The following POM121C variants were observed in gnomAD, a reference collection of about 807,000 sequenced individuals.
POM121C encodes the protein nuclear envelope pore membrane protein POM 121C.
A neutral mutation model predicts 66.4 loss-of-function variants in POM121C; 20 were observed. The observed-to-expected ratio is 0.30, with a 90% confidence interval of 0.21 to 0.44. The LOEUF (loss-of-function observed/expected upper bound fraction) is 0.44, where lower values mean the gene tolerates loss of function less well. POM121C is among the 20% of genes least tolerant of loss of function. The pLI, the probability that POM121C is intolerant of heterozygous loss-of-function variation, is 1.00. For synonymous variants in POM121C, 286 were observed against 528.0 expected (o/e 0.54, Z 6.28); for missense variants, 580 against 1,225.7 (o/e 0.47, Z 7.87).
chr7:75,421,257 T>C (rs1584642975), intron 13 of POM121C: 4 of 1,141,268 alleles, frequency 3.5e-6, no homozygotes, highest in East Asian at 5.6e-5. Flanking sequence ...ATTACAAGCA[T>C]GAGCCACTGC....
At chr7:75,449,366 C>T (rs1353600141) in intron 3 of POM121C, among the ~76,000 whole-genome samples, 2 of 135,602 alleles carry the variant, frequency 1.5e-5, no homozygotes, top group Non-Finnish European at 1.6e-5. Flanking sequence ...TGTTCTCTCT[C>T]TTTTTTTTTT....
chr7:75,428,397 C>G (rs782194234), intron 7 of POM121C, among the ~76,000 whole-genome samples: 3 of 152,134 alleles, frequency 2.0e-5, no homozygotes, highest in Non-Finnish European at 4.4e-5. Flanking sequence ...CTTGGCCTCC[C>G]AAAGCACTAG....
At chr7:75,433,373 T>C (rs1167613607) in intron 7 of POM121C, among the ~76,000 whole-genome samples, 6 of 152,062 alleles carry the variant, frequency 3.9e-5, no homozygotes, top group Non-Finnish European at 8.8e-5. Flanking sequence ...TATCTATTTT[T>C]GAGATGGAGT....
At chr7:75,484,303 G>C (rs1277270511) in intron 1 of POM121C, 72 of 1,025,664 alleles carry the variant, frequency 7.0e-5, no homozygotes, top group Non-Finnish European at 1.0e-4. Context: ...GCTCCGGCCT[G>C]CAAAGGCAGA....
chr7:75,479,649 A>T (rs1283820100), intron 1 of POM121C, among the ~76,000 whole-genome samples: 1 of 148,674 alleles, frequency 6.7e-6, no homozygotes, highest in African/African-American at 2.5e-5. Context: ...ATAAATAAAT[A>T]AATACAGTTT....
intron 3 of POM121C, chr7:75,442,127 A>G: frequency 7.3e-7 from 1 of 1,367,848 alleles, no homozygotes; most frequent in Non-Finnish European, 9.4e-7. Flanking sequence ...ATGATCTGGG[A>G]AAATCAGCGC....
chr7:75,471,303 G>T (rs1186374913), intron 3 of POM121C, among the ~76,000 whole-genome samples: 2 of 151,906 alleles, frequency 1.3e-5, no homozygotes, highest in Non-Finnish European at 2.9e-5. Context: ...CTGCCTCCTG[G>T]GTTCAAGTGA....
At chr7:75,460,301 T>C (rs1791401651) in intron 3 of POM121C, among the ~76,000 whole-genome samples, 1 of 148,074 alleles carries the variant, frequency 6.8e-6, no homozygotes, top group African/African-American at 2.6e-5. Context: ...GAGACCAGCC[T>C]GGGCATGATA....
At chr7:75,475,305 A>G (rs1792035383) in intron 1 of POM121C, 117 bp from the exon 2 acceptor site, 1 of 971,430 alleles carries the variant, frequency 1.0e-6, no homozygotes, top group African/African-American at 1.6e-5. Flanking sequence ...TTTATGTTAC[A>G]GATTATGGAA....
chr7:75,467,773 G>A (rs1584706091), intron 3 of POM121C, among the ~76,000 whole-genome samples: 1 of 152,092 alleles, frequency 6.6e-6, no homozygotes, highest in East Asian at 1.9e-4. Context: ...TCCCTGCTCA[G>A]TGTAATAAGC....
intron 1 of POM121C, among the ~76,000 whole-genome samples, chr7:75,475,565 G>T (rs1668905): frequency 0.92 from 138,091 of 149,696 alleles, 63,954 homozygotes; most frequent in East Asian, 1. Context: ...CCCCTTCTCC[G>T]GGACCTCTTC....
At chr7:75,468,126 TAAAAAAAAAAAAA>T (rs368723160) in intron 3 of POM121C, among the ~76,000 whole-genome samples, 4 of 64,352 alleles carry the variant, frequency 6.2e-5, no homozygotes, top group African/African-American at 1.2e-4. Flanking sequence ...AGACTCTGTC[TAAAAAAAAAAAAA>T]AAAAAAAAAA....
intron 3 of POM121C, among the ~76,000 whole-genome samples, chr7:75,447,010 A>C (rs1401720969): frequency 3.2e-5 from 1 of 31,056 alleles, no homozygotes; most frequent in African/African-American, 9.6e-5. Context: ...TCCGTCTCAA[A>C]AAAAAAAAAA....
chr7:75,457,720 T>G (rs1329322749), intron 3 of POM121C, among the ~76,000 whole-genome samples: 1 of 152,048 alleles, frequency 6.6e-6, no homozygotes, highest in Non-Finnish European at 1.5e-5. Flanking sequence ...TCAAAGACAG[T>G]GAGGAGCTAG....
chr7:75,424,711 C>T, intron 10 of POM121C, 83 bp from the exon 11 acceptor site: 4 of 1,567,952 alleles, frequency 2.6e-6, no homozygotes, highest in Non-Finnish European at 3.5e-6. Flanking sequence ...GTAATCTCAG[C>T]ACTCTGGGAG....
At chr7:75,459,618 A>T (rs1425679594) in intron 3 of POM121C, among the ~76,000 whole-genome samples, 2 of 147,546 alleles carry the variant, frequency 1.4e-5, no homozygotes, top group African/African-American at 4.9e-5. Flanking sequence ...AAAAAAAAAA[A>T]AAGAAAGAAA....
chr7:75,436,568 C>T (rs1254644557), intron 7 of POM121C, among the ~76,000 whole-genome samples: 2 of 152,166 alleles, frequency 1.3e-5, no homozygotes, highest in African/African-American at 2.4e-5. Flanking sequence ...ATGAACTCAT[C>T]TCAAAATTTT....
At chr7:75,436,123 A>G (rs1273618453) in intron 7 of POM121C, among the ~76,000 whole-genome samples, 1 of 152,238 alleles carries the variant, frequency 6.6e-6, no homozygotes, top group Non-Finnish European at 1.5e-5. Context: ...GTAATACATA[A>G]AAATATAAAA....
chr7:75,476,930 T>C (rs1320118919), intron 1 of POM121C, among the ~76,000 whole-genome samples: 1 of 151,912 alleles, frequency 6.6e-6, no homozygotes, highest in African/African-American at 2.4e-5. Flanking sequence ...TTGAAAAAGC[T>C]TGACAGAAAA....
Sources: allele counts gnomAD v4.1 joint callset (sites outside exome capture counted in the v4.1 genomes callset), GRCh38; gene constraint gnomAD v4.1.1; transcripts MANE v1.5; gene names NCBI Gene and HGNC (gene_info 2026-07-23, HGNC 2026-07-21).